ANTXR2: variants seen among roughly 807,000 people sequenced by gnomAD.
ANTXR2 encodes ANTXR cell adhesion molecule 2.
A neutral mutation model predicts 73.7 loss-of-function variants in ANTXR2; 44 were observed. The ratio of observed to expected loss-of-function variants is 0.60; its 90% CI spans 0.47 to 0.77. ANTXR2 has a LOEUF of 0.77. Ranked by LOEUF, ANTXR2 falls within the 30% of genes least tolerant of loss-of-function variation. The pLI is 0.00. For synonymous variants in ANTXR2, 217 were observed against 205.9 expected (o/e 1.05, Z -0.46); for missense variants, 604 against 592.5 (o/e 1.02, Z -0.20).
intron 12 of ANTXR2, among the ~76,000 whole-genome samples, chr4:79,997,876 T>A (rs1266387330): frequency 6.6e-6 from 1 of 151,916 alleles, no homozygotes; most frequent in African/African-American, 2.4e-5. Context: ...TCGGAAAGCA[T>A]CACCATGAAA....
chr4:80,031,517 C>T, intron 10 of ANTXR2, 106 bp downstream of exon 10: 3 of 893,452 alleles, frequency 3.4e-6, no homozygotes, highest in Non-Finnish European at 4.8e-6. Context: ...TTTTAATGCT[C>T]TGTATATCAA....
At chr4:80,068,332 A>C (rs1734606173) in intron 3 of ANTXR2, among the ~76,000 whole-genome samples, 1 of 152,224 alleles carries the variant, frequency 6.6e-6, no homozygotes, top group Non-Finnish European at 1.5e-5. Flanking sequence ...GAAAAATTTT[A>C]TTTCAAAATA....
chr4:80,055,243 G>C (rs1299857267), intron 5 of ANTXR2, 25 bp from the exon 6 acceptor site: 2 of 1,551,926 alleles, frequency 1.3e-6, no homozygotes, highest in South Asian at 1.2e-5. Flanking sequence ...GAGGGAAAGA[G>C]AGAAAAAAAG....
intron 7 of ANTXR2, among the ~76,000 whole-genome samples, chr4:80,049,846 T>G (rs1418434691): frequency 6.6e-6 from 1 of 151,692 alleles, no homozygotes; most frequent in Non-Finnish European, 1.5e-5. Context: ...TCACTGCCCA[T>G]CCTAATACTA....
At chr4:80,019,377 G>A (rs573472157) in intron 10 of ANTXR2, among the ~76,000 whole-genome samples, 1 of 152,228 alleles carries the variant, frequency 6.6e-6, no homozygotes, top group East Asian at 1.9e-4. Context: ...TCAAAAAAAA[G>A]GAAAGAGTAA....
At chr4:79,961,888 A>T (rs1274859233) in intron 16 of ANTXR2, among the ~76,000 whole-genome samples, 1 of 152,148 alleles carries the variant, frequency 6.6e-6, no homozygotes, top group Non-Finnish European at 1.5e-5. Flanking sequence ...TACTCAAGAT[A>T]AATATTTATC....
chr4:80,059,570 A>T (rs1481874810), intron 3 of ANTXR2, among the ~76,000 whole-genome samples: 5 of 151,986 alleles, frequency 3.3e-5, no homozygotes, highest in African/African-American at 4.8e-5. Context: ...ACTGCTCAGG[A>T]TGGTCTTGAA....
chr4:79,974,354 A>G (rs1372167100), intron 16 of ANTXR2, among the ~76,000 whole-genome samples: 1 of 152,250 alleles, frequency 6.6e-6, no homozygotes, highest in Admixed American at 6.5e-5. Context: ...CAATTAATTG[A>G]ATCGACAACT....
chr4:80,067,215 AAAAAG>A lies in ANTXR2; in HGVS notation c.296+2216_296+2220del, dbSNP rs199952123. ...AACGAGACTCTGTCTCACAAAAAAA[AAAAAG>A]AAAGAAAGAAAGGCCTCTTCTGTAA... On this transcript the variant is annotated intron_variant, in intron 3 of 16. Transcript: ENST00000403729. Among the ~76,000 whole-genome samples the A allele has an allele frequency of 7.4e-3, 1,111 of 151,024 alleles. 7 individuals carry two copies. The highest frequency in any genetic ancestry group is 0.011 in the Admixed American group (175 of 15,232).
intron 16 of ANTXR2, among the ~76,000 whole-genome samples, chr4:79,932,468 G>C (rs1211856369): frequency 1.3e-5 from 2 of 151,918 alleles, no homozygotes; most frequent in Non-Finnish European, 2.9e-5. Flanking sequence ...TTTGTTTCTT[G>C]AAGAGTGGCA....
At chr4:79,972,887 A>G (rs1729470338) in intron 16 of ANTXR2, among the ~76,000 whole-genome samples, 1 of 7,790 alleles carries the variant, frequency 1.3e-4, no homozygotes, top group African/African-American at 1.8e-4. Context: ...AACCTGCACA[A>G]TGTGCACATG....
chr4:80,067,811 C>G (rs1447704033), intron 3 of ANTXR2, among the ~76,000 whole-genome samples: 1 of 152,070 alleles, frequency 6.6e-6, no homozygotes, highest in African/African-American at 2.4e-5. Flanking sequence ...AACACATGAA[C>G]ACAGGGAGGG....
chr4:79,915,862 C>CTCTCTCTATA (rs377006532), intron 16 of ANTXR2, among the ~76,000 whole-genome samples: 36 of 123,884 alleles, frequency 2.9e-4, no homozygotes, highest in African/African-American at 7.6e-4. Context: ...CTCTCTCTCT[C>CTCTCTCTATA]TATATATATA....
chr4:80,040,887 T>C (rs1249870275), intron 7 of ANTXR2, among the ~76,000 whole-genome samples: 2 of 151,976 alleles, frequency 1.3e-5, no homozygotes, highest in South Asian at 2.1e-4. Flanking sequence ...ATAAAAAAAT[T>C]ATATACCTTA....
chr4:79,902,175 G>GTCT lies in ANTXR2; in HGVS notation c.*5253_*5254insAGA, dbSNP rs1726733124. The GTCT allele has an allele frequency of 1.7e-4, 26 of 152,212 alleles. No homozygotes were observed. Among genetic ancestry groups the GTCT allele is most frequent in the Non-Finnish European group, 3.4e-4 (23 of 67,998 alleles). 9.4% of individuals were successfully genotyped at this position (152,212 alleles called of 1,614,324 possible). On this transcript the variant is annotated 3_prime_UTR_variant, in exon 17 of 17. Transcript: ENST00000403729. ...AATGTTGTAAATATAATTCATCTAA[G>GTCT]ATACAAATAACTTCATGGCAATTAG...
At chr4:79,912,056 T>G (rs1727164186) in intron 16 of ANTXR2, among the ~76,000 whole-genome samples, 1 of 151,918 alleles carries the variant, frequency 6.6e-6, no homozygotes. Flanking sequence ...ATTACCTTAT[T>G]TTGGTTTGGG....
chr4:79,943,597 AG>A (rs534938837), intron 16 of ANTXR2, among the ~76,000 whole-genome samples: 6,691 of 87,968 alleles, frequency 0.076, 1,077 homozygotes, highest in African/African-American at 0.32. Context: ...GGGTCGGGGG[AG>A]GGGGGAGGGA....
At chr4:80,056,636 G>A (rs933967467) in intron 3 of ANTXR2, among the ~76,000 whole-genome samples, 1 of 151,854 alleles carries the variant, frequency 6.6e-6, no homozygotes, top group African/African-American at 2.4e-5. Flanking sequence ...AAAATAGGTG[G>A]ATGGATAGAT....
chr4:79,950,343 T>C (rs994047371), intron 16 of ANTXR2, among the ~76,000 whole-genome samples: 7 of 152,122 alleles, frequency 4.6e-5, no homozygotes, highest in African/African-American at 1.7e-4. Context: ...GTTATTACCC[T>C]TGTCGATTTA....
Sources: gnomAD v4.1 joint callset for allele counts (sites outside exome capture counted in the v4.1 genomes callset) on GRCh38, gnomAD v4.1.1 for gene constraint, MANE v1.5 for transcripts, NCBI Gene and HGNC (gene_info 2026-07-23, HGNC 2026-07-21) for gene names.